The following RBFOX1 variants were observed in gnomAD, a reference collection of about 807,000 sequenced individuals.
The protein encoded by RBFOX1 is RNA binding protein fox-1 homolog 1.
A neutral mutation model predicts 57.7 loss-of-function variants in RBFOX1; 8 were observed. The ratio of observed to expected loss-of-function variants is 0.14; its 90% CI spans 0.08 to 0.25. The LOEUF (loss-of-function observed/expected upper bound fraction) is 0.25, where lower values mean the gene tolerates loss of function less well. Among genes scored for constraint, RBFOX1 ranks in the 10% least tolerant of loss-of-function variants. The pLI, the probability that RBFOX1 is intolerant of heterozygous loss-of-function variation, is 1.00. For missense variants in RBFOX1, 611 were observed against 548.5 expected (o/e 1.11, Z -1.14); for synonymous variants, 326 against 222.4 (o/e 1.47, Z -4.15).
At chr16:7,262,603 T>C (rs576084577) in intron 4 of RBFOX1, among the ~76,000 whole-genome samples, 1 of 152,406 alleles carries the variant, frequency 6.6e-6, no homozygotes, top group Admixed American at 6.5e-5. Context: ...TCCCTGTGGC[T>C]GCTGCAGTCT....
Position 6,888,083 on chromosome 16 carries a change from AT to A in RBFOX1, c.-15-163969del, listed in dbSNP as rs546832219. 1.7e-4 allele frequency among the ~76,000 whole-genome samples: 26 copies of A among 152,194 alleles called. 1 individual carries two copies. In the East Asian group the frequency reaches 5.0e-3, roughly 29 times the overall value. ...GACGTTCCCAGGTAATTAGTGTAAA[AT>A]TTTTAATAAGCCTCATAAGCTTTAC... On this transcript the variant is annotated intron_variant, in intron 3 of 15. Coordinates refer to ENST00000550418, the MANE Select transcript of RBFOX1 (RefSeq NM_018723.4).
intron 4 of RBFOX1, among the ~76,000 whole-genome samples, chr16:7,139,176 C>CTGTGTGTGTGTG (rs1388063094): frequency 0.06 from 8,699 of 145,842 alleles, 431 homozygotes; most frequent in African/African-American, 0.13. Context: ...CAATCTCTCT[C>CTGTGTGTGTGTG]TGTGTGTGTG....
At chr16:5,843,092 G>T (rs2056667359) in intron 3 of RBFOX1, among the ~76,000 whole-genome samples, 1 of 152,178 alleles carries the variant, frequency 6.6e-6, no homozygotes, top group Non-Finnish European at 1.5e-5. Flanking sequence ...CTCCCAAAGT[G>T]CTGGGATTAC....
chr16:6,345,469 G>C (rs1340421978), intron 2 of RBFOX1, among the ~76,000 whole-genome samples: 1 of 152,160 alleles, frequency 6.6e-6, no homozygotes, highest in African/African-American at 2.4e-5. Context: ...AGGCTGGTGT[G>C]CATGTCTAAT....
Position 6,011,107 on chromosome 16 carries a change from G to T in RBFOX1, c.351+143772G>T, listed in dbSNP as rs115529885. Among the ~76,000 whole-genome samples the T allele has an allele frequency of 4.4e-3, 673 of 152,278 alleles. 4 individuals carry two copies. Among genetic ancestry groups the T allele is most frequent in the African/African-American group, 0.015 (634 of 41,556 alleles). On this transcript the variant is annotated intron_variant, in intron 4 of 19. Coordinates refer to the RBFOX1 transcript ENST00000641259. Reference sequence around the variant, plus strand: ...AAAAGACTAGGACTTAAAGTTAAGTGCATTTGAAAGAAATCGATTGTCAAT... The same window carrying T: ...AAAAGACTAGGACTTAAAGTTAAGTTCATTTGAAAGAAATCGATTGTCAAT...
chr16:6,115,121 G>A (rs79329246), intron 1 of RBFOX1, among the ~76,000 whole-genome samples: 3,677 of 152,142 alleles, frequency 0.024, 151 homozygotes, highest in African/African-American at 0.082. Context: ...TTCTGCTAAC[G>A]AGCCGTGAGG....
At chr16:6,313,349 C>T (rs755464144) in intron 1 of RBFOX1, among the ~76,000 whole-genome samples, 7 of 152,166 alleles carry the variant, frequency 4.6e-5, no homozygotes, top group Non-Finnish European at 1.0e-4. Context: ...GTAAGGGTCA[C>T]ACTCCTTGAC....
At chr16:7,316,438 C>T (rs1189938981) in intron 4 of RBFOX1, among the ~76,000 whole-genome samples, 1 of 152,206 alleles carries the variant, frequency 6.6e-6, no homozygotes, top group African/African-American at 2.4e-5. Flanking sequence ...CTGATTATTT[C>T]TCTGAAGTCA....
chr16:7,168,723 G>A (rs988836214), intron 4 of RBFOX1, among the ~76,000 whole-genome samples: 1 of 151,888 alleles, frequency 6.6e-6, no homozygotes, highest in Non-Finnish European at 1.5e-5. Flanking sequence ...TTACTCTTCA[G>A]TCCCTAAAAA....
At chr16:7,300,542 T>C (rs1603586112) in intron 4 of RBFOX1, among the ~76,000 whole-genome samples, 1 of 152,344 alleles carries the variant, frequency 6.6e-6, no homozygotes, top group East Asian at 1.9e-4. Flanking sequence ...GATGATTACA[T>C]TGAAGTTCAA....
intron 3 of RBFOX1, among the ~76,000 whole-genome samples, chr16:6,770,947 C>G (rs1242411090): frequency 6.6e-6 from 1 of 152,148 alleles, no homozygotes. Flanking sequence ...CGAATTGTGT[C>G]TCCACTACCC....
chr16:6,900,022 C>T (rs990877293), intron 3 of RBFOX1, among the ~76,000 whole-genome samples: 10 of 152,136 alleles, frequency 6.6e-5, no homozygotes, highest in African/African-American at 2.2e-4. Flanking sequence ...GGAGGATGCT[C>T]ATAGCATCAA....
chr16:7,705,697 A>T (rs1490767054), intron 14 of RBFOX1, among the ~76,000 whole-genome samples: 1 of 152,190 alleles, frequency 6.6e-6, no homozygotes, highest in African/African-American at 2.4e-5. Flanking sequence ...AGAGATGGAC[A>T]GACTTGAGAG....
intron 3 of RBFOX1, among the ~76,000 whole-genome samples, chr16:6,961,724 A>G (rs1479815856): frequency 6.6e-6 from 1 of 152,142 alleles, no homozygotes; most frequent in Non-Finnish European, 1.5e-5. Context: ...TTTAGACCAT[A>G]TAGGGTAGCT....
At chr16:6,334,728 T>C (rs1348187717) in intron 2 of RBFOX1, among the ~76,000 whole-genome samples, 2 of 152,122 alleles carry the variant, frequency 1.3e-5, no homozygotes, top group Non-Finnish European at 2.9e-5. Flanking sequence ...GTAGTTCTGT[T>C]GAGAATTCAT....
intron 4 of RBFOX1, among the ~76,000 whole-genome samples, chr16:7,394,943 G>A (rs2098117198): frequency 6.6e-6 from 1 of 152,184 alleles, no homozygotes. Context: ...ATGCACGCAT[G>A]TGAGAATATA....
At chr16:5,919,882 G>A (rs2058783638) in intron 4 of RBFOX1, among the ~76,000 whole-genome samples, 1 of 151,958 alleles carries the variant, frequency 6.6e-6, no homozygotes, top group South Asian at 2.1e-4. Context: ...CTTTCTCTCT[G>A]CCTTTTTTTT....
At chr16:5,952,444 C>G (rs1466516072) in intron 4 of RBFOX1, among the ~76,000 whole-genome samples, 1 of 152,070 alleles carries the variant, frequency 6.6e-6, no homozygotes, top group Non-Finnish European at 1.5e-5. Flanking sequence ...TGCCACCATG[C>G]CCAGCTAATT....
chr16:6,658,236 G>A (rs1406054923), intron 3 of RBFOX1, among the ~76,000 whole-genome samples: 2 of 150,860 alleles, frequency 1.3e-5, no homozygotes, highest in Admixed American at 6.6e-5. Flanking sequence ...GTGGAAGAGA[G>A]CCTTCATTTT....
Sources: allele counts gnomAD v4.1 joint callset (sites outside exome capture counted in the v4.1 genomes callset), GRCh38; gene constraint gnomAD v4.1.1; transcripts MANE v1.5; gene names NCBI Gene and HGNC (gene_info 2026-07-23, HGNC 2026-07-21).